HTR2B: variants seen among roughly 807,000 people sequenced by gnomAD.
The protein encoded by HTR2B is 5-HT 2B receptor.
Under a neutral mutation model 39.8 loss-of-function variants are expected in HTR2B, and 31 were observed. That is an observed-to-expected ratio of 0.78 (90% CI 0.58 to 1.05). HTR2B has a LOEUF of 1.05. Ranked by LOEUF, HTR2B falls within the 50% of genes least tolerant of loss-of-function variation. The pLI, the probability that HTR2B is intolerant of heterozygous loss-of-function variation, is 0.00. For synonymous variants in HTR2B, 210 were observed against 207.1 expected (o/e 1.01, Z -0.12); for missense variants, 562 against 578.0 (o/e 0.97, Z 0.28).
In HTR2B at chr2:231,119,950, C is replaced by CT. The variant is rs758725665; in HGVS notation, c.352+3462dup. 2.6e-3 allele frequency among the ~76,000 whole-genome samples: 346 copies of CT among 135,686 alleles called. 1 individual carries two copies. Among genetic ancestry groups the CT allele is most frequent in the Admixed American group, 0.011 (149 of 13,440 alleles). The allele number at this position is 135,686 out of a possible 152,430, so 89.0% of individuals were successfully genotyped here. A position where few individuals can be genotyped will look rare whatever the true frequency, so the allele number is the denominator to read the frequency against. On this transcript the variant is annotated intron_variant, in intron 2 of 3. Transcript: ENST00000258400. ...CCAGATGCCATATCTTCCCGTGTTA[C>CT]TTTTTTTTTTTTTTTTCCCTGAGAC...
In HTR2B at chr2:231,123,908, T is replaced by C; in HGVS notation, c.-144A>G. 1.4e-6 allele frequency: 1 copy of C among 697,362 alleles called. No individual in the cohort carries two copies. Among genetic ancestry groups the C allele is most frequent in the Non-Finnish European group, 2.6e-6 (1 of 385,372 alleles). The allele number at this position is 697,362 out of a possible 1,614,324, so 43.2% of individuals were successfully genotyped here. ...TGACACCTTCCTTTAAAAAAAAAAATTCAAGTTCTCTAAAATGAGCGCATA... is the reference window on the plus strand; with the variant it reads ...TGACACCTTCCTTTAAAAAAAAAAACTCAAGTTCTCTAAAATGAGCGCATA... On this transcript the variant is annotated 5_prime_UTR_variant, in exon 2 of 4. Transcript: ENST00000258400.
Position 231,109,100 on chromosome 2 carries a change from C to G in HTR2B, c.863G>C (p.Arg288Pro). 1 of 1,614,158 alleles carries G rather than the reference C, an allele frequency of 6.2e-7. No homozygotes were observed. The highest frequency in any genetic ancestry group is 8.5e-7 in the Non-Finnish European group (1 of 1,180,002). Residue 288 changes from arginine (R) to proline (P), a missense_variant, in exon 4 of 4, where the codon CGA becomes CCA. By Grantham distance (103) the Arg-to-Pro change is moderately radical. Transcript: ENST00000258400. ...TGAGTTGGGCAGAGCCTTGTCCTTT[C>G]GAGAACCATCCAGCATTGCCACCTT... Reference protein sequence around the residue: ...PEKVAMLDGSRKDKALPNSGD... With the variant: ...PEKVAMLDGSPKDKALPNSGD...
rs983430825 is a variant in HTR2B at position 231,123,521 on chromosome 2, C to T, written c.244G>A (p.Glu82Lys). The part of the protein sequence containing the change: ...NTLVILAVSL[E>K]KKLQYATNYF... ...TTAGTAGCATACTGCAGCTTCTTCTCCAGTGAAACAGCCAGAATAACAAGG... is the reference window on the plus strand; with the variant it reads ...TTAGTAGCATACTGCAGCTTCTTCTTCAGTGAAACAGCCAGAATAACAAGG... The change falls in exon 2 of 4, where the codon GAG (glutamate) becomes AAG (lysine). Residue 82 changes from glutamate (E) to lysine (K), a missense_variant. Transcript: ENST00000258400. 2 of 1,613,812 alleles carry T rather than the reference C, an allele frequency of 1.2e-6. No individual in the cohort carries two copies. The highest frequency in any genetic ancestry group is 8.5e-7 in the Non-Finnish European group (1 of 1,179,800).
intron 1 of HTR2B, 21 bp downstream of exon 1, chr2:231,124,951 A>T (rs1695684154): frequency 6.6e-6 from 1 of 152,130 alleles, no homozygotes; most frequent in South Asian, 2.1e-4. Context: ...TTAATTCCAT[A>T]TGTGTTTATT....
chr2:231,118,329 A>ATAAGAT (rs754132821), intron 2 of HTR2B, among the ~76,000 whole-genome samples: 12 of 152,174 alleles, frequency 7.9e-5, no homozygotes, highest in Non-Finnish European at 5.9e-5. Context: ...TCAGTATGAA[A>ATAAGAT]TAAGAGTGTT....
At chr2:231,120,448 C>T (rs902135990) in intron 2 of HTR2B, among the ~76,000 whole-genome samples, 7 of 151,952 alleles carry the variant, frequency 4.6e-5, no homozygotes, top group African/African-American at 1.4e-4. Context: ...ATGGACAAGA[C>T]AATAAAAAAC....
chr2:231,115,679 G>GGTATATTTCTTATT (rs1452297623), intron 2 of HTR2B, among the ~76,000 whole-genome samples: 1 of 152,136 alleles, frequency 6.6e-6, no homozygotes. Context: ...TTGCAGATGA[G>GGTATATTTCTTATT]TAAATTCAGG....
At chr2:231,119,907 A>G (rs1367194380) in intron 2 of HTR2B, among the ~76,000 whole-genome samples, 6 of 151,296 alleles carry the variant, frequency 4.0e-5, no homozygotes, top group East Asian at 1.9e-4. Context: ...AAATAAACCA[A>G]TAACACCCAA....
Position 231,108,984 on chromosome 2 carries a change from C to G in HTR2B, c.979G>C (p.Gly327Arg). 2 of 1,614,140 alleles carry G rather than the reference C, an allele frequency of 1.2e-6. No homozygotes were observed. The highest frequency in any genetic ancestry group is 2.2e-5 in the East Asian group (1 of 44,884). ...AGCAAAAAGAGGAAAAACACAATCC[C>G]TAGGACCTTTGAGGCTCTCTGTTCG... ...SNEQRASKVLGIVFFLFLLMW... is the reference protein window; with the variant it reads ...SNEQRASKVLRIVFFLFLLMW... Residue 327 changes from glycine to arginine, a missense_variant, in exon 4 of 4, where the codon GGG becomes CGG. Coordinates refer to ENST00000258400, the MANE Select transcript of HTR2B (RefSeq NM_000867.5).
intron 2 of HTR2B, 68 bp from the exon 3 acceptor site, chr2:231,113,997 C>T (rs1695249331): frequency 1.6e-6 from 2 of 1,223,874 alleles, no homozygotes; most frequent in Non-Finnish European, 2.4e-6. Context: ...TACAGTTTTT[C>T]AGGTGATACA....
rs781406222 is a variant in HTR2B, at chr2:231,108,853, A to G, written c.1110T>C (p.Tyr370=). ...MLLEIFVWIG[Y]VSSGVNPLVY... ...CCAAAGGATTCACTCCTGAGGAAAC[A>G]TAGCCTATCCACACAAATATCTCCA... Residue 370 remains tyrosine (Y), a synonymous_variant, in exon 4 of 4, where the codon TAT becomes TAC. Transcript: ENST00000258400. 1.7e-5 allele frequency: 28 copies of G among 1,614,112 alleles called. No homozygotes were observed. The highest frequency in any genetic ancestry group is 3.3e-5 in the South Asian group (3 of 91,086).
At chr2:231,110,379 T>C (rs1353798409) in intron 3 of HTR2B, among the ~76,000 whole-genome samples, 1 of 152,242 alleles carries the variant, frequency 6.6e-6, no homozygotes, top group Non-Finnish European at 1.5e-5. Flanking sequence ...TTTTCTGATC[T>C]TTAAATACCA....
chr2:231,123,118 A>G (rs1695602842), intron 2 of HTR2B, among the ~76,000 whole-genome samples: 1 of 152,198 alleles, frequency 6.6e-6, no homozygotes, highest in South Asian at 2.1e-4. Context: ...ACTATAATTT[A>G]TAGATAATAT....
rs551555069 is a variant in HTR2B, at chr2:231,110,291, C to T, written c.554-882G>A. ...GCCGAGATCACACCACTGCCCTCCACGCTCAGCGACAAAGTAAGACTCTGT... is the reference window on the plus strand; with the variant it reads ...GCCGAGATCACACCACTGCCCTCCATGCTCAGCGACAAAGTAAGACTCTGT... On this transcript the variant is annotated intron_variant, in intron 3 of 3. Coordinates refer to ENST00000258400, the MANE Select transcript of HTR2B (RefSeq NM_000867.5). Among the ~76,000 whole-genome samples the T allele has an allele frequency of 4.6e-5, 7 of 152,244 alleles. No homozygotes were observed. The East Asian group carries it at 7.7e-4, about 17-fold the overall frequency.
At chr2:231,113,094 G>A (rs569322112) in intron 3 of HTR2B, among the ~76,000 whole-genome samples, 26 of 152,116 alleles carry the variant, frequency 1.7e-4, no homozygotes, top group Non-Finnish European at 3.7e-4. Context: ...AGCCCGGGAA[G>A]TCGAGGCAGC....
At position 231,123,817 on chromosome 2, in the gene HTR2B, G is replaced by A; in HGVS notation, c.-53C>T. The A allele has an allele frequency of 1.5e-6, 2 of 1,313,588 alleles. No homozygotes were observed. Among genetic ancestry groups the A allele is most frequent in the Non-Finnish European group, 2.2e-6 (2 of 907,060 alleles). The allele number at this position is 1,313,588 out of a possible 1,614,324, so 81.4% of individuals were successfully genotyped here. A position where few individuals can be genotyped will look rare whatever the true frequency, so the allele number is the denominator to read the frequency against. On this transcript the variant is annotated 5_prime_UTR_variant, in exon 2 of 4. Transcript: ENST00000258400. The stretch of plus-strand genomic sequence containing the variant: ...TTCCGAACAGTGGTCAGCATGGTTA[G>A]TAGCTAAGCTGCTCATCTGTTTTTT...
In HTR2B at chr2:231,109,228, C is replaced by T. The variant is rs757704130; in HGVS notation, c.735G>A (p.Gln245=). The T allele has an allele frequency of 1.3e-5, 21 of 1,614,036 alleles. No individual in the cohort carries two copies. Among genetic ancestry groups the T allele is most frequent in the Non-Finnish European group, 1.8e-5 (21 of 1,180,038 alleles). The change falls in exon 4 of 4, where the codon CAG becomes CAA. Residue 245 remains glutamine, a synonymous_variant. Transcript: ENST00000258400. Reference sequence around the variant, plus strand: ...TGTTTTTGACTAAGTAAGCCTTCTTCTGTAAAGCATGGATAGTGAGAAAGT... The same window carrying T: ...TGTTTTTGACTAAGTAAGCCTTCTTTTGTAAAGCATGGATAGTGAGAAAGT... The part of the protein sequence containing the change: ...VTYFLTIHAL[Q]KKAYLVKNKP...
At chr2:231,121,750 T>C (rs545933373) in intron 2 of HTR2B, among the ~76,000 whole-genome samples, 1 of 152,210 alleles carries the variant, frequency 6.6e-6, no homozygotes, top group South Asian at 2.1e-4. Context: ...ATATAATAGA[T>C]GTTTGATATT....
chr2:231,114,046 C>CT, intron 2 of HTR2B, 117 bp from the exon 3 acceptor site: 1 of 774,812 alleles, frequency 1.3e-6, no homozygotes, highest in Non-Finnish European at 2.3e-6. Flanking sequence ...AATTTTATAA[C>CT]TTTAACAACA....
Sources: allele counts gnomAD v4.1 joint callset (sites outside exome capture counted in the v4.1 genomes callset), GRCh38; gene constraint gnomAD v4.1.1; transcripts MANE v1.5; gene names NCBI Gene and HGNC (gene_info 2026-07-23, HGNC 2026-07-21).